KATNIP: variants seen among roughly 807,000 people sequenced by gnomAD.
KATNIP encodes katanin interacting protein.
In KATNIP, 126 loss-of-function variants were observed where a neutral mutation model predicts 174.0. The ratio of observed to expected loss-of-function variants is 0.72; its 90% CI spans 0.63 to 0.84. The LOEUF is 0.84. KATNIP is among the 40% of genes least tolerant of loss of function. The pLI is 0.00. For synonymous variants in KATNIP, 810 were observed against 835.7 expected (o/e 0.97, Z 0.53); for missense variants, 1,958 against 2,109.7 (o/e 0.93, Z 1.41).
chr16:27,723,158 G>C (rs939650235), intron 14 of KATNIP, among the ~76,000 whole-genome samples: 5 of 152,166 alleles, frequency 3.3e-5, no homozygotes, highest in Non-Finnish European at 7.4e-5. Flanking sequence ...GCTCCCTTCA[G>C]TCTGTCTCCA....
intron 13 of KATNIP, among the ~76,000 whole-genome samples, chr16:27,716,525 C>T (rs2143011019): frequency 6.6e-6 from 1 of 151,964 alleles, no homozygotes; most frequent in African/African-American, 2.4e-5. Context: ...CAGCTTTCCC[C>T]AGTGGTAAAT....
At chr16:27,604,474 A>C (rs191387529) in intron 2 of KATNIP, among the ~76,000 whole-genome samples, 1 of 152,058 alleles carries the variant, frequency 6.6e-6, no homozygotes, top group African/African-American at 2.4e-5. Context: ...GGCACAAGTG[A>C]TCCTCCTGCC....
chr16:27,642,052 G>A (rs1381732595), intron 5 of KATNIP, among the ~76,000 whole-genome samples: 1 of 152,254 alleles, frequency 6.6e-6, no homozygotes, highest in African/African-American at 2.4e-5. Flanking sequence ...GGGGAGGAGG[G>A]AGGAGCATGC....
At chr16:27,648,530 G>T (rs965954764) in intron 5 of KATNIP, 74 bp from the exon 6 acceptor site, 3 of 1,574,562 alleles carry the variant, frequency 1.9e-6, no homozygotes, top group Non-Finnish European at 2.6e-6. Context: ...AACCTCTCCA[G>T]TGCCAGTCCC....
chr16:27,674,664 C>A (rs2078045510), intron 6 of KATNIP, among the ~76,000 whole-genome samples: 1 of 152,262 alleles, frequency 6.6e-6, no homozygotes, highest in African/African-American at 2.4e-5. Flanking sequence ...GGAGATTCTT[C>A]ACCTAATCAT....
chr16:27,656,419 G>GAA (rs927275425), intron 6 of KATNIP, among the ~76,000 whole-genome samples: 662 of 34,328 alleles, frequency 0.019, 23 homozygotes, highest in African/African-American at 0.06. Flanking sequence ...CTCTGTCTCA[G>GAA]AAAAAAAAAA....
chr16:27,762,510 CATG>C (rs1466339204), intron 19 of KATNIP, among the ~76,000 whole-genome samples: 1 of 152,104 alleles, frequency 6.6e-6, no homozygotes, highest in Non-Finnish European at 1.5e-5. Context: ...GTGGCAGAGT[CATG>C]ATTGGAACGC....
At chr16:27,633,971 G>A (rs964652468) in intron 5 of KATNIP, among the ~76,000 whole-genome samples, 6 of 152,214 alleles carry the variant, frequency 3.9e-5, no homozygotes, top group African/African-American at 1.4e-4. Flanking sequence ...CACACAGCCT[G>A]GAGGCCTCCT....
chr16:27,598,753 T>A (rs2075417332), intron 2 of KATNIP, among the ~76,000 whole-genome samples: 1 of 152,180 alleles, frequency 6.6e-6, no homozygotes, highest in Non-Finnish European at 1.5e-5. Flanking sequence ...GGATGCAGAC[T>A]CTGAGCAGGA....
chr16:27,767,881 C>T (rs1267136564), intron 20 of KATNIP, among the ~76,000 whole-genome samples: 1 of 152,206 alleles, frequency 6.6e-6, no homozygotes, highest in Non-Finnish European at 1.5e-5. Context: ...GGGTTCAACA[C>T]ATTGAAGAAG....
chr16:27,712,495 C>G lies in KATNIP; in HGVS notation c.1605+3575C>G, dbSNP rs1597253572. Reference sequence around the variant, plus strand: ...TGAGGAAGAGGCACTTGCCCCAGGCCATGCGCATGGCTGATAGAGCTCACC... The same window carrying G: ...TGAGGAAGAGGCACTTGCCCCAGGCGATGCGCATGGCTGATAGAGCTCACC... On this transcript the variant is annotated intron_variant, in intron 13 of 27. Coordinates refer to ENST00000261588, the MANE Select transcript of KATNIP (RefSeq NM_015202.5). Among the ~76,000 whole-genome samples, 3 of 152,266 alleles carry G rather than the reference C, an allele frequency of 2.0e-5. No individual in the cohort carries two copies. In the South Asian group the frequency reaches 6.2e-4, roughly 32 times the overall value.
chr16:27,765,260 G>A (rs370291223), intron 19 of KATNIP, among the ~76,000 whole-genome samples: 14 of 152,348 alleles, frequency 9.2e-5, no homozygotes, highest in African/African-American at 3.4e-4. Context: ...TGAGGCCTGG[G>A]CTGAGGCATG....
At chr16:27,674,005 T>C (rs563257269) in intron 6 of KATNIP, among the ~76,000 whole-genome samples, 2 of 152,044 alleles carry the variant, frequency 1.3e-5, no homozygotes, top group African/African-American at 4.8e-5. Flanking sequence ...TATCTGGGTA[T>C]CTGGGTGTGG....
At chr16:27,661,567 T>C (rs1462345770) in intron 6 of KATNIP, among the ~76,000 whole-genome samples, 1 of 151,726 alleles carries the variant, frequency 6.6e-6, no homozygotes, top group Non-Finnish European at 1.5e-5. Context: ...AATTTTTGTA[T>C]TTTTAGTAGA....
chr16:27,651,903 A>G (rs1482130833), intron 6 of KATNIP, among the ~76,000 whole-genome samples: 1 of 152,196 alleles, frequency 6.6e-6, no homozygotes, highest in Non-Finnish European at 1.5e-5. Context: ...TATTTTTAGT[A>G]GAGATGGGGT....
At chr16:27,769,291 G>A (rs1218451000) in intron 20 of KATNIP, among the ~76,000 whole-genome samples, 1 of 152,214 alleles carries the variant, frequency 6.6e-6, no homozygotes, top group Non-Finnish European at 1.5e-5. Context: ...GCCATGAGAA[G>A]GAAGATCAGA....
At chr16:27,585,881 C>A (rs1596808868) in intron 2 of KATNIP, among the ~76,000 whole-genome samples, 2 of 152,260 alleles carry the variant, frequency 1.3e-5, no homozygotes, top group South Asian at 4.2e-4. Flanking sequence ...GCAGGCGGAT[C>A]ACTTGAGGTC....
chr16:27,739,105 C>T lies in KATNIP; in HGVS notation c.1744-936C>T, dbSNP rs75162329. Among the ~76,000 whole-genome samples, 704 of 152,098 alleles carry T rather than the reference C, an allele frequency of 4.6e-3. 7 individuals carry two copies. Among genetic ancestry groups the T allele is most frequent in the African/African-American group, 0.016 (667 of 41,472 alleles). On this transcript the variant is annotated intron_variant, in intron 14 of 27. Coordinates refer to ENST00000261588, the MANE Select transcript of KATNIP (RefSeq NM_015202.5). The stretch of plus-strand genomic sequence containing the variant: ...GGAAGCAGAGAGACCAATTAGGAGG[C>T]GGCAGTGGTGTCTCTGGTAGAGACC...
intron 22 of KATNIP, 31 bp from the exon 23 acceptor site, chr16:27,773,068 A>T: frequency 7.7e-7 from 1 of 1,306,150 alleles, no homozygotes; most frequent in Non-Finnish European, 1.1e-6. Flanking sequence ...AAAAAAAATT[A>T]AGCCTTCTTT....
Sources: allele counts gnomAD v4.1 joint callset (sites outside exome capture counted in the v4.1 genomes callset), GRCh38; gene constraint gnomAD v4.1.1; transcripts MANE v1.5; gene names NCBI Gene and HGNC (gene_info 2026-07-23, HGNC 2026-07-21).